Variants in MYH15 observed in about 807,000 individuals in gnomAD.
MYH15 encodes the protein myosin-15.
In MYH15, 227 loss-of-function variants were observed where a neutral mutation model predicts 240.5. The observed-to-expected ratio is 0.94, with a 90% CI of 0.85 to 1.05. The LOEUF is 1.05. Among genes scored for constraint, MYH15 ranks in the 50% least tolerant of loss-of-function variants. The pLI is 0.00. For missense variants in MYH15, 2,217 were observed against 2,247.5 expected, an observed-to-expected ratio of 0.99 and a Z score of 0.27; for synonymous variants, 785 against 796.7, an observed-to-expected ratio of 0.99 and a Z score of 0.25.
chr3:108,458,053 AT>A lies in MYH15; in HGVS notation c.2021-1171del, dbSNP rs58914396. ...ACAGAGCAAGACTCTGTCTCAAATT[AT>A]TTTTTTTAAAAAAGGGAGGGGTACA... On this transcript the variant is annotated intron_variant, in intron 18 of 40. Coordinates refer to ENST00000693548, the MANE Select transcript of MYH15 (RefSeq NM_014981.3). 4.9e-3 allele frequency among the ~76,000 whole-genome samples: 748 copies of A among 151,756 alleles called. 6 individuals are homozygous for A. The highest frequency in any genetic ancestry group is 0.013 in the African/African-American group (551 of 41,358).
intron 38 of MYH15, among the ~76,000 whole-genome samples, chr3:108,385,938 T>C (rs1398224795): frequency 1.3e-5 from 2 of 152,070 alleles, no homozygotes; most frequent in Non-Finnish European, 2.9e-5. Flanking sequence ...TAAAGTACCA[T>C]GTAAAAGTAG....
chr3:108,454,739 G>T (rs2083005364), intron 20 of MYH15, among the ~76,000 whole-genome samples: 1 of 152,120 alleles, frequency 6.6e-6, no homozygotes, highest in Non-Finnish European at 1.5e-5. Flanking sequence ...TTTCAAGAAT[G>T]ATTACTAACA....
intron 25 of MYH15, among the ~76,000 whole-genome samples, chr3:108,434,292 C>T (rs1178767265): frequency 6.7e-6 from 1 of 149,452 alleles, no homozygotes; most frequent in East Asian, 2.0e-4. Context: ...AAGCAATTCT[C>T]CTGCCTCAGC....
chr3:108,383,748 A>AAT lies in MYH15; in HGVS notation c.5632-20_5632-19insAT. The AAT allele has an allele frequency of 2.6e-6, 4 of 1,536,374 alleles. No homozygotes were observed. Among genetic ancestry groups the AAT allele is most frequent in the Non-Finnish European group, 3.5e-6 (4 of 1,146,784 alleles). ...GTGTTTCCTATAAAAATAAAAAAAA[A>AAT]AAAAAAGAAATCTCCATGCCTATAT... On this transcript the variant is annotated intron_variant, in intron 39 of 40. Transcript: ENST00000693548.
intron 19 of MYH15, among the ~76,000 whole-genome samples, chr3:108,456,178 T>G (rs2083018053): frequency 6.6e-6 from 1 of 152,184 alleles, no homozygotes; most frequent in Non-Finnish European, 1.5e-5. Context: ...ATAAGGAAAC[T>G]GAAAAGCAGA....
chr3:108,410,435 A>G, intron 31 of MYH15, 148 bp downstream of exon 31: 2 of 335,152 alleles, frequency 6.0e-6, no homozygotes, highest in Non-Finnish European at 5.3e-6. Flanking sequence ...CATCTAAAGT[A>G]AAAAAAAAAT....
chr3:108,426,350 C>T (rs2082724841), intron 27 of MYH15, among the ~76,000 whole-genome samples: 1 of 152,056 alleles, frequency 6.6e-6, no homozygotes, highest in Admixed American at 6.5e-5. Flanking sequence ...GCTGCCCCAC[C>T]CACAAAGGCC....
chr3:108,464,823 G>C lies in MYH15; in HGVS notation c.1555-9C>G, dbSNP rs776553730. 8.6e-5 allele frequency: 136 copies of C among 1,590,050 alleles called. No individual in the cohort carries two copies. Among genetic ancestry groups the C allele is most frequent in the Non-Finnish European group, 1.1e-4 (124 of 1,171,656 alleles). The stretch of plus-strand genomic sequence containing the variant: ...GAAAGGATGCCCATTGGCTGTTGAA[G>C]AGACATAAGAGCAGCAGATTTCTTT... On this transcript the variant is annotated splice_polypyrimidine_tract_variant and intron_variant, in intron 14 of 40. Coordinates refer to ENST00000693548, the MANE Select transcript of MYH15 (RefSeq NM_014981.3).
chr3:108,462,723 G>A (rs899096567), intron 16 of MYH15, among the ~76,000 whole-genome samples: 1 of 152,044 alleles, frequency 6.6e-6, no homozygotes, highest in African/African-American at 2.4e-5. Flanking sequence ...ATAACCCTAA[G>A]TGCACAGAGT....
At chr3:108,475,665 T>C (rs1443668586) in intron 12 of MYH15, among the ~76,000 whole-genome samples, 1 of 152,186 alleles carries the variant, frequency 6.6e-6, no homozygotes, top group Non-Finnish European at 1.5e-5. Context: ...TTGCACTTGA[T>C]GTAAGAAATA....
intron 26 of MYH15, 73 bp from the exon 27 acceptor site, chr3:108,428,954 C>T: frequency 7.0e-7 from 1 of 1,421,900 alleles, no homozygotes; most frequent in African/African-American, 1.4e-5. Context: ...TTTTTAATCA[C>T]AAAGCTAACA....
chr3:108,497,023 C>T (rs375237419), intron 6 of MYH15, among the ~76,000 whole-genome samples: 6 of 151,166 alleles, frequency 4.0e-5, no homozygotes, highest in South Asian at 2.1e-4. Context: ...TAGCCGGGCA[C>T]GGTGGCGGGC....
chr3:108,398,619 A>C lies in MYH15; in HGVS notation c.5133+18T>G, dbSNP rs2082480105. 1.2e-6 allele frequency: 2 copies of C among 1,610,966 alleles called. No homozygotes were observed. The stretch of plus-strand genomic sequence containing the variant: ...CAACCAACTGGCCCAGCTAATAGGG[A>C]GAGTATATGGGCCCCACCTGGGTAT... On this transcript the variant is annotated intron_variant, in intron 35 of 40. Transcript: ENST00000693548.
At chr3:108,400,225 T>C (rs549169371) in intron 33 of MYH15, among the ~76,000 whole-genome samples, 1 of 152,306 alleles carries the variant, frequency 6.6e-6, no homozygotes, top group Admixed American at 6.5e-5. Context: ...TGAATGTTAT[T>C]GACCGACTCT....
intron 14 of MYH15, 49 bp downstream of exon 14, chr3:108,469,993 G>A: frequency 6.4e-7 from 1 of 1,559,058 alleles, no homozygotes; most frequent in Non-Finnish European, 8.7e-7. Flanking sequence ...TAGCAGGCAG[G>A]GACAATTCTC....
chr3:108,455,759 GGGTAT>G lies in MYH15; in HGVS notation c.2234_2238del (p.His745ProfsTer8), dbSNP rs2083013929. ...ACCTTAGTGATTCCAAATCGGTACTGGGTATGGTCTATCTCCAAGGAGCCAAGTAA... is the reference window on the plus strand; with the variant it reads ...ACCTTAGTGATTCCAAATCGGTACTGGGTCTATCTCCAAGGAGCCAAGTAA... On this transcript the variant is annotated frameshift_variant, in exon 20 of 41. Transcript: ENST00000693548. LOFTEE classifies it high-confidence loss of function. 6.8e-6 allele frequency: 11 copies of G among 1,613,826 alleles called. No homozygotes were observed. The highest frequency in any genetic ancestry group is 9.3e-6 in the Non-Finnish European group (11 of 1,179,798).
At chr3:108,423,422 G>C (rs562283222) in intron 27 of MYH15, among the ~76,000 whole-genome samples, 1 of 152,292 alleles carries the variant, frequency 6.6e-6, no homozygotes, top group East Asian at 1.9e-4. Context: ...TCAATGGCCA[G>C]TTTCTCGAAC....
intron 14 of MYH15, among the ~76,000 whole-genome samples, chr3:108,469,590 C>T (rs2083153404): frequency 6.6e-6 from 1 of 152,170 alleles, no homozygotes; most frequent in South Asian, 2.1e-4. Context: ...CTACATCCTG[C>T]AAGGTAGTGG....
the MYH15 span, among the ~76,000 whole-genome samples, chr3:108,538,705 A>C: frequency 6.6e-6 from 1 of 152,228 alleles, no homozygotes; most frequent in Non-Finnish European, 1.5e-5. Flanking sequence ...AGTTCCCTTT[A>C]ATTTCATAAT....
Sources: gnomAD v4.1 joint callset for allele counts (sites outside exome capture counted in the v4.1 genomes callset) on GRCh38, gnomAD v4.1.1 for gene constraint, MANE v1.5 for transcripts, NCBI Gene and HGNC (gene_info 2026-07-23, HGNC 2026-07-21) for gene names.